Variants in RASGEF1B observed in about 807,000 individuals in gnomAD.
RASGEF1B encodes RasGEF domain family member 1B, also known as ras-GEF domain-containing family member 1B.
RASGEF1B carries 30 observed loss-of-function variants against 65.7 expected under a neutral mutation model. That is an observed-to-expected ratio of 0.46 (90% CI 0.34 to 0.62). The LOEUF is 0.62. RASGEF1B is among the 20% of genes least tolerant of loss of function. RASGEF1B has a pLI of 0.01. For synonymous variants in RASGEF1B, 175 were observed against 194.8 expected (o/e 0.90, Z 0.85); for missense variants, 495 against 580.1 (o/e 0.85, Z 1.51).
intron 8 of RASGEF1B, 114 bp downstream of exon 8, chr4:81,445,412 T>C (rs1721980709): frequency 2.7e-6 from 2 of 752,174 alleles, no homozygotes; most frequent in Non-Finnish European, 4.5e-6. Flanking sequence ...CAAATAACTC[T>C]GGATTAAAAA....
chr4:81,456,917 C>A (rs939560749), intron 3 of RASGEF1B, 129 bp from the exon 4 acceptor site: 8 of 781,922 alleles, frequency 1.0e-5, no homozygotes, highest in African/African-American at 8.9e-5. Flanking sequence ...GAAGCTCCAG[C>A]CCCCCTCCCT....
Position 81,448,179 on chromosome 4 carries a change from T to C in RASGEF1B, c.544A>G (p.Thr182Ala), listed in dbSNP as rs1361258665. 1 of 1,614,122 alleles carries C rather than the reference T, an allele frequency of 6.2e-7. No homozygotes were observed. The highest frequency in any genetic ancestry group is 8.5e-7 in the Non-Finnish European group (1 of 1,180,014). The change falls in exon 5 of 14, where the codon ACA becomes GCA. Residue 182 changes from threonine to alanine, a missense_variant. Coordinates refer to ENST00000264400, the MANE Select transcript of RASGEF1B (RefSeq NM_152545.3). ...EVLAKISSTS[T>A]DRLTVLKTKP... ...GTCTTGAGAACTGTGAGCCGATCTG[T>C]GGATGTGGAGCTGATTTTTGCCAGG...
intron 10 of RASGEF1B, 96 bp downstream of exon 10, chr4:81,440,738 A>C (rs1290918658): frequency 1.9e-5 from 14 of 734,996 alleles, no homozygotes; most frequent in African/African-American, 3.5e-5. Context: ...CTTAAATCTT[A>C]ACAAGTAAAA....
At chr4:81,462,119 T>G (rs2109994872) in intron 1 of RASGEF1B, among the ~76,000 whole-genome samples, 2 of 152,340 alleles carry the variant, frequency 1.3e-5, no homozygotes, top group South Asian at 4.1e-4. Flanking sequence ...CTGTGAAATC[T>G]TCAAACCCTC....
At position 81,447,560 on chromosome 4, in the gene RASGEF1B, C is replaced by T; in HGVS notation, c.673G>A (p.Gly225Arg). 1 of 1,613,622 alleles carries T rather than the reference C, an allele frequency of 6.2e-7. No individual in the cohort carries two copies. Among genetic ancestry groups the T allele is most frequent in the Non-Finnish European group, 8.5e-7 (1 of 1,179,810 alleles). The change falls in exon 6 of 14, where the codon GGG becomes AGG. Residue 225 changes from glycine to arginine, a missense_variant. Physicochemically the swap from Gly to Arg is moderately radical, Grantham distance 125. Coordinates refer to ENST00000264400, the MANE Select transcript of RASGEF1B (RefSeq NM_152545.3). ...HIELERLNYI[G>R]PEEFVQAFVQ... is the part of the protein sequence containing the mutation. ...AACGCCTGAACAAATTCTTCTGGCC[C>T]AATATAATTGAGCCTCTCCTGAAAC...
At chr4:81,447,701 T>C in intron 5 of RASGEF1B, 123 bp from the exon 6 acceptor site, 1 of 754,616 alleles carries the variant, frequency 1.3e-6, no homozygotes, top group Non-Finnish European at 2.2e-6. Flanking sequence ...AATAAACCTT[T>C]AGCCCTAAAT....
intron 11 of RASGEF1B, 42 bp downstream of exon 11, chr4:81,434,597 T>C: frequency 8.5e-7 from 1 of 1,182,194 alleles, no homozygotes; most frequent in Non-Finnish European, 1.3e-6. Flanking sequence ...GCTGCCCCTC[T>C]CCTTGTGCTT....
intron 13 of RASGEF1B, 38 bp downstream of exon 13, chr4:81,432,261 C>T (rs1721455880): frequency 7.0e-7 from 1 of 1,423,894 alleles, no homozygotes; most frequent in Non-Finnish European, 9.8e-7. Context: ...AGCCAATTTC[C>T]TTCAGACTTG....
At position 81,427,581 on chromosome 4, in the gene RASGEF1B, C is replaced by T; in HGVS notation, c.*187G>A. On this transcript the variant is annotated 3_prime_UTR_variant, in exon 14 of 14. Coordinates refer to ENST00000264400, the MANE Select transcript of RASGEF1B (RefSeq NM_152545.3). ...TCAGTCTCACAAAATCTGAGTCTATCTGTCAGCTGCAGGAAATAAGTTCTC... is the reference window on the plus strand; with the variant it reads ...TCAGTCTCACAAAATCTGAGTCTATTTGTCAGCTGCAGGAAATAAGTTCTC... 1.8e-6 allele frequency: 1 copy of T among 543,658 alleles called. No individual in the cohort carries two copies. The highest frequency in any genetic ancestry group is 3.2e-6 in the Non-Finnish European group (1 of 310,304). The allele number at this position is 543,658 out of a possible 1,614,324, so 33.7% of individuals were successfully genotyped here.
chr4:81,440,777 T>C, intron 10 of RASGEF1B, 57 bp downstream of exon 10: 1 of 1,161,588 alleles, frequency 8.6e-7, no homozygotes, highest in East Asian at 2.4e-5. Flanking sequence ...TCACATAGCA[T>C]TTCAGCATAA....
At chr4:81,436,067 C>T (rs1721623705) in intron 10 of RASGEF1B, among the ~76,000 whole-genome samples, 1 of 152,172 alleles carries the variant, frequency 6.6e-6, no homozygotes, top group African/African-American at 2.4e-5. Context: ...CAGGCATGAG[C>T]CACCAAGCCC....
intron 1 of RASGEF1B, among the ~76,000 whole-genome samples, chr4:81,467,287 G>A (rs1457371865): frequency 2.0e-5 from 3 of 152,158 alleles, no homozygotes; most frequent in Non-Finnish European, 4.4e-5. Flanking sequence ...AATTGTTGGA[G>A]GAAGGGGATT....
chr4:81,427,745 A>T lies in RASGEF1B; in HGVS notation c.*23T>A. The stretch of plus-strand genomic sequence containing the variant: ...ATGATCTGCAGGAAGCAGCAGCAGC[A>T]GCAGGCAGGCAGCTCCCATGTGTTA... On this transcript the variant is annotated 3_prime_UTR_variant, in exon 14 of 14. Transcript: ENST00000264400. 1 of 1,613,530 alleles carries T rather than the reference A, an allele frequency of 6.2e-7. No individual in the cohort carries two copies. Among genetic ancestry groups the T allele is most frequent in the Non-Finnish European group, 8.5e-7 (1 of 1,179,858 alleles).
At chr4:81,442,208 T>C (rs1278131647) in intron 9 of RASGEF1B, 89 bp downstream of exon 9, 1 of 862,890 alleles carries the variant, frequency 1.2e-6, no homozygotes, top group African/African-American at 1.7e-5. Flanking sequence ...TCCTCTGTCG[T>C]AGTCTGATGG....
In RASGEF1B at chr4:81,427,676, G is replaced by T; in HGVS notation, c.*92C>A. On this transcript the variant is annotated 3_prime_UTR_variant, in exon 14 of 14. Transcript: ENST00000264400. The stretch of plus-strand genomic sequence containing the variant: ...TCCAATGACTGCAGGGTCTTCATGA[G>T]TGTTCGTGGTACGAGATGCCAGAAA... The T allele has an allele frequency of 6.8e-7, 1 of 1,474,206 alleles. No individual in the cohort carries two copies. Among genetic ancestry groups the T allele is most frequent in the African/African-American group, 1.4e-5 (1 of 71,938 alleles). The allele number at this position is 1,474,206 out of a possible 1,614,324, so 91.3% of individuals were successfully genotyped here. A position where few individuals can be genotyped will look rare whatever the true frequency, so the allele number is the denominator to read the frequency against.
chr4:81,456,581 A>G (rs752697392), intron 4 of RASGEF1B, 70 bp downstream of exon 4: 3 of 1,557,662 alleles, frequency 1.9e-6, no homozygotes, highest in African/African-American at 2.7e-5. Context: ...AGGATGCATA[A>G]TTCGGCACCA....
At chr4:81,469,903 C>G (rs1186351771) in intron 1 of RASGEF1B, among the ~76,000 whole-genome samples, 1 of 152,130 alleles carries the variant, frequency 6.6e-6, no homozygotes, top group Non-Finnish European at 1.5e-5. Context: ...CTGGAAAGTA[C>G]AAGGCCAATA....
At chr4:81,466,530 T>C (rs575852676) in intron 1 of RASGEF1B, among the ~76,000 whole-genome samples, 58 of 151,682 alleles carry the variant, frequency 3.8e-4, no homozygotes, top group Middle Eastern at 3.4e-3. Context: ...GAGGCTGAGG[T>C]GGGCAGATCA....
intron 13 of RASGEF1B, among the ~76,000 whole-genome samples, chr4:81,428,796 G>A (rs1271812761): frequency 6.6e-6 from 1 of 152,122 alleles, no homozygotes; most frequent in African/African-American, 2.4e-5. Flanking sequence ...ATTATACCAG[G>A]GACTAGAGCA....
Sources: allele counts gnomAD v4.1 joint callset (sites outside exome capture counted in the v4.1 genomes callset), GRCh38; gene constraint gnomAD v4.1.1; transcripts MANE v1.5; gene names NCBI Gene and HGNC (gene_info 2026-07-23, HGNC 2026-07-21).